Variants in USP14 observed in about 807,000 individuals in gnomAD.
USP14 encodes the protein ubiquitin specific peptidase 14, also known as ubiquitin carboxyl-terminal hydrolase 14.
USP14 carries 38 observed loss-of-function variants against 76.5 expected under a neutral mutation model. The ratio of observed to expected loss-of-function variants is 0.50; its 90% confidence interval spans 0.38 to 0.65. The LOEUF (loss-of-function observed/expected upper bound fraction) is 0.65. Among genes scored for constraint, USP14 ranks in the 30% least tolerant of loss-of-function variants. The pLI is 0.00. For missense variants in USP14, 467 were observed against 586.5 expected (o/e 0.80, Z 2.10); for synonymous variants, 192 against 191.7 (o/e 1.00, Z -0.01).
At chr18:171,025 A>AAAAAAAAAAAAATATAT (rs1327304974) in intron 3 of USP14, among the ~76,000 whole-genome samples, 9 of 47,638 alleles carry the variant, frequency 1.9e-4, no homozygotes, top group African/African-American at 7.8e-4. Context: ...AAAAAAAAAA[A>AAAAAAAAAAAAATATAT]ATATATATAT....
intron 3 of USP14, among the ~76,000 whole-genome samples, chr18:175,276 T>C (rs565085358): frequency 1.3e-5 from 2 of 152,232 alleles, no homozygotes; most frequent in Non-Finnish European, 2.9e-5. Context: ...TTTTTTTCTT[T>C]ATTGCAATGC....
At chr18:200,606 T>C (rs1910359315) in intron 10 of USP14, among the ~76,000 whole-genome samples, 1 of 152,234 alleles carries the variant, frequency 6.6e-6, no homozygotes, top group South Asian at 2.1e-4. Flanking sequence ...GCTTCCACTC[T>C]GCTAATAAGC....
At chr18:186,117 TATGTC>T (rs1373016206) in intron 5 of USP14, among the ~76,000 whole-genome samples, 1 of 152,162 alleles carries the variant, frequency 6.6e-6, no homozygotes, top group Non-Finnish European at 1.5e-5. Flanking sequence ...TCTCGGCCCT[TATGTC>T]AGGATATGAT....
intron 1 of USP14, among the ~76,000 whole-genome samples, chr18:161,857 T>G (rs1909128961): frequency 2.0e-5 from 3 of 152,208 alleles, no homozygotes; most frequent in African/African-American, 7.2e-5. Flanking sequence ...GATTGAAATT[T>G]TTTATTGTGG....
chr18:178,995 T>A lies in USP14; in HGVS notation c.258T>A (p.Thr86=). Residue 86 remains threonine (T), a synonymous_variant, in exon 4 of 16, where the codon ACT becomes ACA. Coordinates refer to ENST00000261601, the MANE Select transcript of USP14 (RefSeq NM_005151.4). ...TTCCAGAAGAACCCTCAGCCAAAAC[T>A]GTCTTCGTAGAAGACATGACAGAAG... ...DALPEEPSAK[T]VFVEDMTEEQ... The A allele has an allele frequency of 6.2e-7, 1 of 1,613,438 alleles. No individual in the cohort carries two copies. The highest frequency in any genetic ancestry group is 8.5e-7 in the Non-Finnish European group (1 of 1,179,694).
At chr18:180,812 G>A (rs573938158) in intron 5 of USP14, among the ~76,000 whole-genome samples, 5 of 151,406 alleles carry the variant, frequency 3.3e-5, no homozygotes, top group South Asian at 4.2e-4. Context: ...TACAGCACAC[G>A]TAACACCTCA....
chr18:194,392 A>G, intron 6 of USP14, among the ~76,000 whole-genome samples: 1 of 152,208 alleles, frequency 6.6e-6, no homozygotes, highest in Non-Finnish European at 1.5e-5. Flanking sequence ...GCGATGAAAA[A>G]TACTGTTCTT....
chr18:206,326 G>A (rs1380047404), intron 13 of USP14, among the ~76,000 whole-genome samples: 3 of 152,208 alleles, frequency 2.0e-5, no homozygotes, highest in African/African-American at 7.2e-5. Flanking sequence ...ATGTCTTCAT[G>A]TGTTTATTTG....
intron 3 of USP14, 60 bp downstream of exon 3, chr18:166,879 A>G: frequency 6.7e-7 from 1 of 1,501,254 alleles, no homozygotes. Flanking sequence ...ATACCAAAAT[A>G]CATTCCAGAT....
chr18:175,264 T>C (rs1466046556), intron 3 of USP14, among the ~76,000 whole-genome samples: 4 of 152,214 alleles, frequency 2.6e-5, no homozygotes, highest in Non-Finnish European at 5.9e-5. Flanking sequence ...ATTTTGTTTC[T>C]CTTTTTTTCT....
intron 5 of USP14, among the ~76,000 whole-genome samples, chr18:189,569 G>A (rs1297163339): frequency 2.0e-5 from 3 of 151,706 alleles, no homozygotes; most frequent in Non-Finnish European, 2.9e-5. Context: ...TGCAGCCTCC[G>A]CCTCCTGGGT....
chr18:202,820 A>G (rs1598278771), intron 10 of USP14, 60 bp from the exon 11 acceptor site: 6 of 1,549,984 alleles, frequency 3.9e-6, no homozygotes, highest in East Asian at 2.3e-5. Context: ...GTGTGATTCT[A>G]TATTGCAGAA....
At chr18:175,916 A>G (rs1909613791) in intron 3 of USP14, among the ~76,000 whole-genome samples, 1 of 152,136 alleles carries the variant, frequency 6.6e-6, no homozygotes, top group Admixed American at 6.5e-5. Flanking sequence ...AGTGTCTTTA[A>G]TAAATGTAGG....
chr18:191,152 G>T lies in USP14; in HGVS notation c.405-1690G>T, dbSNP rs1425890595. Among the ~76,000 whole-genome samples, 3 of 152,062 alleles carry T rather than the reference G, an allele frequency of 2.0e-5. No homozygotes were observed. In the East Asian group the frequency reaches 5.8e-4, roughly 29 times the overall value. On this transcript the variant is annotated intron_variant, in intron 5 of 15. Transcript: ENST00000261601. Reference sequence around the variant, plus strand: ...AGTACTTAATTTTAATTTCAAAAATGCCTTTTAAGAAGTTGCTAAAATGTC... The same window carrying T: ...AGTACTTAATTTTAATTTCAAAAATTCCTTTTAAGAAGTTGCTAAAATGTC...
At chr18:192,389 C>T (rs1260339957) in intron 5 of USP14, among the ~76,000 whole-genome samples, 1 of 152,018 alleles carries the variant, frequency 6.6e-6, no homozygotes, top group African/African-American at 2.4e-5. Context: ...CATGGTGAAA[C>T]CCTGTCTCTA....
At chr18:177,914 TAGAG>T (rs1909671531) in intron 3 of USP14, among the ~76,000 whole-genome samples, 1 of 152,210 alleles carries the variant, frequency 6.6e-6, no homozygotes, top group South Asian at 2.1e-4. Context: ...TTTTTAGTAA[TAGAG>T]AATTTAATGC....
At chr18:185,635 A>C (rs1041073889) in intron 5 of USP14, among the ~76,000 whole-genome samples, 1 of 151,926 alleles carries the variant, frequency 6.6e-6, no homozygotes. Context: ...ACACTACTTA[A>C]ATTATTTTCT....
chr18:170,539 G>C (rs1909413819), intron 3 of USP14, among the ~76,000 whole-genome samples: 1 of 152,152 alleles, frequency 6.6e-6, no homozygotes, highest in Non-Finnish European at 1.5e-5. Context: ...TAAAAGATAA[G>C]TTCTTGAAGT....
chr18:194,016 C>T (rs1175710797), intron 6 of USP14, among the ~76,000 whole-genome samples: 1 of 152,124 alleles, frequency 6.6e-6, no homozygotes, highest in Non-Finnish European at 1.5e-5. Context: ...CAGAATTTTC[C>T]AAAGGAGTCC....
Sources: allele counts gnomAD v4.1 joint callset (sites outside exome capture counted in the v4.1 genomes callset), GRCh38; gene constraint gnomAD v4.1.1; transcripts MANE v1.5; gene names NCBI Gene and HGNC (gene_info 2026-07-23, HGNC 2026-07-21).